PKIB: variants seen among roughly 807,000 people sequenced by gnomAD.
The protein encoded by PKIB is PKI-beta.
PKIB carries 2 observed loss-of-function variants against 4.5 expected under a neutral mutation model. The ratio of observed to expected loss-of-function variants is 0.44; its 90% CI spans 0.18 to 1.39. PKIB has a LOEUF of 1.39. Ranked by LOEUF, PKIB falls within the 40% of genes most tolerant of loss-of-function variation. The pLI is 0.27. For missense variants in PKIB, 94 were observed against 92.6 expected, an observed-to-expected ratio of 1.02 and a Z score of -0.06; for synonymous variants, 38 against 36.0, an observed-to-expected ratio of 1.06 and a Z score of -0.20.
chr6:122,559,030 T>G (rs1227477594), intron 2 of PKIB, among the ~76,000 whole-genome samples: 1 of 152,204 alleles, frequency 6.6e-6, no homozygotes, highest in African/African-American at 2.4e-5. Flanking sequence ...GTTACTTCAC[T>G]TAGAATAATA....
chr6:122,662,528 C>T (rs1777049872), intron 2 of PKIB, among the ~76,000 whole-genome samples: 1 of 151,432 alleles, frequency 6.6e-6, no homozygotes, highest in Non-Finnish European at 1.5e-5. Context: ...CCATGTTGGA[C>T]AGGCTGGTCT....
chr6:122,661,521 A>G (rs910872503), intron 2 of PKIB, among the ~76,000 whole-genome samples: 2 of 152,204 alleles, frequency 1.3e-5, no homozygotes, highest in Non-Finnish European at 2.9e-5. Flanking sequence ...GCATGTATCA[A>G]TCCTTCATTC....
chr6:122,679,450 G>T (rs1354920225), intron 3 of PKIB, among the ~76,000 whole-genome samples: 1 of 152,144 alleles, frequency 6.6e-6, no homozygotes, highest in African/African-American at 2.4e-5. Flanking sequence ...CTGGGCTGTT[G>T]TCAAGAATGG....
Position 122,524,278 on chromosome 6 carries a change from G to A in PKIB, c.-248+46339G>A, listed in dbSNP as rs193224345. On this transcript the variant is annotated intron_variant, in intron 2 of 6. Transcript: ENST00000392491. ...TTTCCTCTTCCTCCTCCTCCTTCTTGTTCTTCCTTCTCCTCCTCATCCTCT... is the reference window on the plus strand; with the variant it reads ...TTTCCTCTTCCTCCTCCTCCTTCTTATTCTTCCTTCTCCTCCTCATCCTCT... Among the ~76,000 whole-genome samples, 305 of 110,610 alleles carry A rather than the reference G, an allele frequency of 2.8e-3. 7 individuals are homozygous for A. In the East Asian group the frequency reaches 0.052, roughly 19 times the overall value. 72.6% of individuals were successfully genotyped at this position (110,610 alleles called of 152,430 possible).
At chr6:122,679,810 C>G (rs113650750) in intron 3 of PKIB, among the ~76,000 whole-genome samples, 12 of 152,258 alleles carry the variant, frequency 7.9e-5, no homozygotes, top group African/African-American at 2.9e-4. Flanking sequence ...GAATCACGTA[C>G]ATTGTCACAC....
At chr6:122,692,194 T>C (rs751530843) in intron 3 of PKIB, among the ~76,000 whole-genome samples, 26 of 152,194 alleles carry the variant, frequency 1.7e-4, no homozygotes, top group South Asian at 4.1e-4. Flanking sequence ...CCATCCCCTG[T>C]CTATAGCCTA....
rs1345822382 is a variant in PKIB, at chr6:122,576,689, A to AAAAAAAAT, written c.-247-9231_-247-9230insAAAAAATA. Among the ~76,000 whole-genome samples the AAAAAAAAT allele has an allele frequency of 5.1e-3, 174 of 34,304 alleles. 2 individuals carry two copies. The highest frequency in any genetic ancestry group is 0.011 in the African/African-American group (83 of 7,608). 22.5% of individuals were successfully genotyped at this position (34,304 alleles called of 152,430 possible). A position where few individuals can be genotyped will look rare whatever the true frequency, so the allele number is the denominator to read the frequency against. On this transcript the variant is annotated intron_variant, in intron 2 of 6. Transcript: ENST00000392491. ...ATCTCAAAAAAAAAAAAAAAAAAAA[A>AAAAAAAAT]ATATATATATATATATATATATTTT... is the stretch of plus-strand genomic sequence containing the variant.
At chr6:122,498,034 C>G (rs928952553) in intron 2 of PKIB, among the ~76,000 whole-genome samples, 1 of 152,110 alleles carries the variant, frequency 6.6e-6, no homozygotes, top group Non-Finnish European at 1.5e-5. Context: ...CACAGTGGAA[C>G]AAAAATACAA....
chr6:122,577,709 A>T (rs1379483117), intron 2 of PKIB, among the ~76,000 whole-genome samples: 1 of 152,052 alleles, frequency 6.6e-6, no homozygotes, highest in Non-Finnish European at 1.5e-5. Flanking sequence ...GGAGATCGAG[A>T]CCATCCTGGC....
At chr6:122,709,168 TA>T (rs1235670991) in intron 3 of PKIB, among the ~76,000 whole-genome samples, 3 of 152,182 alleles carry the variant, frequency 2.0e-5, no homozygotes, top group Non-Finnish European at 4.4e-5. Flanking sequence ...TCCTACTTTT[TA>T]AAAATGTAGA....
chr6:122,724,720 G>C (rs1195980908), intron 4 of PKIB, among the ~76,000 whole-genome samples: 3 of 152,174 alleles, frequency 2.0e-5, no homozygotes, highest in East Asian at 3.9e-4. Flanking sequence ...GGAGTAGAAA[G>C]TGTGAAGAAG....
intron 2 of PKIB, among the ~76,000 whole-genome samples, chr6:122,502,883 G>A (rs1167551990): frequency 3.3e-5 from 5 of 152,096 alleles, no homozygotes; most frequent in African/African-American, 9.7e-5. Context: ...CAAGAGTAGT[G>A]TCTTAGTTAG....
intron 2 of PKIB, among the ~76,000 whole-genome samples, chr6:122,565,960 G>A (rs1230802975): frequency 6.6e-6 from 1 of 151,992 alleles, no homozygotes; most frequent in East Asian, 1.9e-4. Flanking sequence ...TTCACTCTTA[G>A]GCAACATCTT....
At chr6:122,675,804 TTA>T (rs1491582332) in intron 3 of PKIB, among the ~76,000 whole-genome samples, 2 of 152,030 alleles carry the variant, frequency 1.3e-5, no homozygotes, top group African/African-American at 4.8e-5. Context: ...TGAAAAAAAA[TTA>T]TGTTTTTTTC....
chr6:122,691,405 T>G (rs1275428036), intron 3 of PKIB, among the ~76,000 whole-genome samples: 1 of 152,136 alleles, frequency 6.6e-6, no homozygotes, highest in Admixed American at 6.5e-5. Context: ...GCTCTGACTG[T>G]ATTTTCAGAT....
At chr6:122,572,268 C>G (rs1167021490) in intron 2 of PKIB, among the ~76,000 whole-genome samples, 7 of 151,962 alleles carry the variant, frequency 4.6e-5, no homozygotes, top group Admixed American at 4.6e-4. Flanking sequence ...TTATATGCAC[C>G]TAACACAGGA....
At chr6:122,703,933 TATATATATAGAG>T (rs1377039304) in intron 3 of PKIB, among the ~76,000 whole-genome samples, 80 of 125,462 alleles carry the variant, frequency 6.4e-4, no homozygotes, top group Non-Finnish European at 9.9e-4. Context: ...TATATATATA[TATATATATAGAG>T]AGAGAGAGAG....
chr6:122,612,061 A>C (rs1034271032), intron 1 of PKIB, among the ~76,000 whole-genome samples: 1 of 152,220 alleles, frequency 6.6e-6, no homozygotes, highest in Non-Finnish European at 1.5e-5. Flanking sequence ...CACATTATGC[A>C]GAATATTTTA....
At chr6:122,591,688 A>G (rs575747177) in intron 3 of PKIB, among the ~76,000 whole-genome samples, 4 of 152,146 alleles carry the variant, frequency 2.6e-5, no homozygotes, top group Non-Finnish European at 4.4e-5. Context: ...TTGATCATTT[A>G]TATGTGGTTT....
Sources: gnomAD v4.1 joint callset for allele counts (sites outside exome capture counted in the v4.1 genomes callset) on GRCh38, gnomAD v4.1.1 for gene constraint, MANE v1.5 for transcripts, NCBI Gene and HGNC (gene_info 2026-07-23, HGNC 2026-07-21) for gene names.